Variants in ZSWIM6 observed in about 807,000 individuals in gnomAD.
ZSWIM6 encodes zinc finger SWIM domain-containing protein 6.
In ZSWIM6, 9 loss-of-function variants were observed where a neutral mutation model predicts 113.2. The ratio of observed to expected loss-of-function variants is 0.08; its 90% CI spans 0.05 to 0.14. The LOEUF is 0.14. Ranked by LOEUF, ZSWIM6 falls within the 10% of genes least tolerant of loss-of-function variation. The pLI is 1.00. For missense variants in ZSWIM6, 1,162 were observed against 1,552.2 expected, an observed-to-expected ratio of 0.75 and a Z score of 4.22; for synonymous variants, 611 against 606.5, an observed-to-expected ratio of 1.01 and a Z score of -0.11.
chr5:61,416,341 G>A (rs966255035), intron 1 of ZSWIM6, among the ~76,000 whole-genome samples: 9 of 152,152 alleles, frequency 5.9e-5, no homozygotes, highest in Admixed American at 2.0e-4. Context: ...CCGCAGAAAC[G>A]ATGAGACTTC....
At chr5:61,378,600 G>T (rs560674383) in intron 1 of ZSWIM6, among the ~76,000 whole-genome samples, 2 of 151,770 alleles carry the variant, frequency 1.3e-5, no homozygotes, top group Non-Finnish European at 2.9e-5. Flanking sequence ...TTGTTGCCCA[G>T]CCTGGAGTGC....
At chr5:61,451,400 C>CT (rs1382593761) in intron 1 of ZSWIM6, among the ~76,000 whole-genome samples, 1 of 151,916 alleles carries the variant, frequency 6.6e-6, no homozygotes, top group Non-Finnish European at 1.5e-5. Flanking sequence ...ATTTTGAGGG[C>CT]TTTTTATGAA....
At chr5:61,373,145 G>A (rs867037853) in intron 1 of ZSWIM6, among the ~76,000 whole-genome samples, 30 of 152,124 alleles carry the variant, frequency 2.0e-4, no homozygotes, top group Middle Eastern at 3.4e-3. Context: ...TGGGGTCTTA[G>A]TATGTTGCCC....
At chr5:61,408,817 T>A (rs993492774) in intron 1 of ZSWIM6, among the ~76,000 whole-genome samples, 1 of 152,178 alleles carries the variant, frequency 6.6e-6, no homozygotes, top group African/African-American at 2.4e-5. Context: ...CTGAACTGTT[T>A]AGGAATGCGG....
intron 1 of ZSWIM6, among the ~76,000 whole-genome samples, chr5:61,464,013 A>G (rs1205580342): frequency 6.6e-6 from 1 of 151,684 alleles, no homozygotes; most frequent in Admixed American, 6.6e-5. Context: ...TTCTTTTTAG[A>G]TGGGGTTTCG....
At chr5:61,354,893 A>G (rs540206597) in intron 1 of ZSWIM6, among the ~76,000 whole-genome samples, 13 of 152,178 alleles carry the variant, frequency 8.5e-5, no homozygotes, top group Non-Finnish European at 1.3e-4. Flanking sequence ...TATTAAGGCA[A>G]TATATGTTGT....
intron 1 of ZSWIM6, chr5:61,375,858 T>C (rs1745365151): frequency 1.0e-6 from 1 of 998,928 alleles, no homozygotes; most frequent in South Asian, 1.5e-5. Context: ...CACCGTAACA[T>C]TAAGAAAAAT....
At chr5:61,379,081 G>T (rs1232853613) in intron 1 of ZSWIM6, among the ~76,000 whole-genome samples, 2 of 150,858 alleles carry the variant, frequency 1.3e-5, no homozygotes, top group African/African-American at 4.9e-5. Context: ...CTCAGGTGGC[G>T]GAGGTGAGAG....
chr5:61,450,379 T>G (rs1364641474), intron 1 of ZSWIM6, among the ~76,000 whole-genome samples: 1 of 152,148 alleles, frequency 6.6e-6, no homozygotes, highest in Non-Finnish European at 1.5e-5. Flanking sequence ...TCCATTCTGC[T>G]GGGAAAGGGA....
chr5:61,437,717 C>CAAAAAAAAA (rs1177075747), intron 1 of ZSWIM6, among the ~76,000 whole-genome samples: 4 of 56,866 alleles, frequency 7.0e-5, no homozygotes, highest in Non-Finnish European at 1.4e-4. Context: ...ACCCTTTCTC[C>CAAAAAAAAA]AAAAAAAAAA....
intron 1 of ZSWIM6, among the ~76,000 whole-genome samples, chr5:61,396,203 C>T (rs1159286304): frequency 6.6e-6 from 1 of 152,236 alleles, no homozygotes. Flanking sequence ...CCCAGCAACA[C>T]GTAACCTTCC....
chr5:61,466,792 G>A (rs1261779902), intron 1 of ZSWIM6, among the ~76,000 whole-genome samples: 2 of 151,590 alleles, frequency 1.3e-5, no homozygotes, highest in African/African-American at 4.8e-5. Flanking sequence ...TTTTTTTTCA[G>A]TCTGATATCA....
intron 1 of ZSWIM6, among the ~76,000 whole-genome samples, chr5:61,390,336 G>T (rs892504005): frequency 1.3e-5 from 2 of 152,102 alleles, no homozygotes; most frequent in African/African-American, 4.8e-5. Flanking sequence ...CTAGAATTCA[G>T]AAATAATGTG....
intron 4 of ZSWIM6, among the ~76,000 whole-genome samples, chr5:61,515,060 A>G (rs1357209487): frequency 6.6e-6 from 1 of 152,226 alleles, no homozygotes; most frequent in African/African-American, 2.4e-5. Context: ...TTAGATTATC[A>G]TATCCTCTTG....
chr5:61,431,644 CTG>C (rs1746583949), intron 1 of ZSWIM6, among the ~76,000 whole-genome samples: 1 of 107,906 alleles, frequency 9.3e-6, no homozygotes, highest in Non-Finnish European at 1.9e-5. Flanking sequence ...ACTCGGGAGG[CTG>C]AGGCAGGAGA....
At chr5:61,475,757 G>T (rs574956312) in intron 2 of ZSWIM6, among the ~76,000 whole-genome samples, 1 of 152,186 alleles carries the variant, frequency 6.6e-6, no homozygotes, top group South Asian at 2.1e-4. Context: ...CTCCCTGGAG[G>T]GTCTTATTTT....
intron 1 of ZSWIM6, among the ~76,000 whole-genome samples, chr5:61,382,383 C>T (rs1745503534): frequency 6.6e-6 from 1 of 152,152 alleles, no homozygotes; most frequent in Non-Finnish European, 1.5e-5. Context: ...GAGGGACTCA[C>T]CTAGAGTTAC....
chr5:61,519,831 G>C (rs1044945678), intron 4 of ZSWIM6, among the ~76,000 whole-genome samples: 3 of 152,094 alleles, frequency 2.0e-5, no homozygotes, highest in Non-Finnish European at 2.9e-5. Context: ...GGGTGGGAGA[G>C]GATGCTTTCG....
chr5:61,374,213 CG>C (rs1745322372), intron 1 of ZSWIM6, among the ~76,000 whole-genome samples: 1 of 152,110 alleles, frequency 6.6e-6, no homozygotes, highest in Admixed American at 6.5e-5. Context: ...AAGATTTTTC[CG>C]GATCATCTGT....
Sources: gnomAD v4.1 joint callset for allele counts (sites outside exome capture counted in the v4.1 genomes callset) on GRCh38, gnomAD v4.1.1 for gene constraint, MANE v1.5 for transcripts, NCBI Gene and HGNC (gene_info 2026-07-23, HGNC 2026-07-21) for gene names.